Variants in NCKAP5 observed in about 807,000 individuals in gnomAD.
NCKAP5 encodes nck-associated protein 5.
A neutral mutation model predicts 167.0 loss-of-function variants in NCKAP5; 92 were observed. That is an observed-to-expected ratio of 0.55 (90% CI 0.47 to 0.66). The LOEUF is 0.66. NCKAP5 is among the 30% of genes least tolerant of loss of function. NCKAP5 has a pLI of 0.00. For missense variants in NCKAP5, 2,378 were observed against 2,315.0 expected (o/e 1.03, Z -0.56); for synonymous variants, 891 against 877.4 (o/e 1.02, Z -0.27).
At chr2:133,058,809 G>A (rs561196299) in intron 6 of NCKAP5, among the ~76,000 whole-genome samples, 17 of 152,278 alleles carry the variant, frequency 1.1e-4, no homozygotes, top group African/African-American at 3.8e-4. Context: ...TTGTCCTGTG[G>A]ATAAAATGCT....
At chr2:133,456,909 G>C (rs1232859323) in intron 3 of NCKAP5, among the ~76,000 whole-genome samples, 1 of 152,086 alleles carries the variant, frequency 6.6e-6, no homozygotes, top group African/African-American at 2.4e-5. Context: ...ACATTATCAG[G>C]ACTGTCGGAC....
chr2:133,027,802 T>C (rs1277037992), intron 6 of NCKAP5, among the ~76,000 whole-genome samples: 1 of 152,232 alleles, frequency 6.6e-6, no homozygotes, highest in Non-Finnish European at 1.5e-5. Context: ...GCTCAATTGC[T>C]CAGGTATTCA....
intron 9 of NCKAP5, among the ~76,000 whole-genome samples, chr2:132,870,483 A>G (rs1200194956): frequency 6.6e-6 from 1 of 152,114 alleles, no homozygotes; most frequent in Non-Finnish European, 1.5e-5. Flanking sequence ...TTTATCCAAT[A>G]TAAATTTTCT....
chr2:133,536,773 C>T (rs1197532068), intron 2 of NCKAP5, among the ~76,000 whole-genome samples: 2 of 151,298 alleles, frequency 1.3e-5, no homozygotes, highest in Non-Finnish European at 3.0e-5. Context: ...TTTTTCTTTC[C>T]TGCTAATATC....
At chr2:133,126,645 AGTGTTCTAT>A (rs1251609704) in intron 6 of NCKAP5, among the ~76,000 whole-genome samples, 1 of 152,200 alleles carries the variant, frequency 6.6e-6, no homozygotes, top group Non-Finnish European at 1.5e-5. Context: ...TCTTCTATAA[AGTGTTCTAT>A]GTGATACATT....
At chr2:133,308,831 C>T (rs892041209) in intron 3 of NCKAP5, among the ~76,000 whole-genome samples, 2 of 149,086 alleles carry the variant, frequency 1.3e-5, no homozygotes, top group Non-Finnish European at 3.0e-5. Context: ...CTGCCTCAGC[C>T]TCCCGAGTAG....
chr2:132,832,814 T>G (rs1356537619), intron 11 of NCKAP5, among the ~76,000 whole-genome samples: 1 of 152,202 alleles, frequency 6.6e-6, no homozygotes, highest in African/African-American at 2.4e-5. Context: ...TTGTGAACAG[T>G]GCTGTGATAA....
chr2:133,251,269 G>A (rs964884060), intron 4 of NCKAP5, among the ~76,000 whole-genome samples: 1 of 152,178 alleles, frequency 6.6e-6, no homozygotes, highest in Admixed American at 6.5e-5. Flanking sequence ...AGCATCCATG[G>A]ATTTTGGTAC....
At chr2:133,215,209 G>T (rs551471252) in intron 4 of NCKAP5, among the ~76,000 whole-genome samples, 2 of 152,166 alleles carry the variant, frequency 1.3e-5, no homozygotes, top group Non-Finnish European at 2.9e-5. Flanking sequence ...AAGGCAGAAA[G>T]CTCCTGTGTG....
intron 3 of NCKAP5, among the ~76,000 whole-genome samples, chr2:133,513,749 T>C (rs966358095): frequency 6.6e-6 from 1 of 152,160 alleles, no homozygotes; most frequent in African/African-American, 2.4e-5. Flanking sequence ...GGCAAACGTT[T>C]TTTCTTCCTT....
chr2:133,290,812 G>C (rs574613866), intron 4 of NCKAP5, among the ~76,000 whole-genome samples: 9 of 143,884 alleles, frequency 6.3e-5, no homozygotes, highest in Admixed American at 4.4e-4. Context: ...GGAGTACAGT[G>C]GCAGGAACAA....
the NCKAP5 span, among the ~76,000 whole-genome samples, chr2:133,639,048 A>T: frequency 1.3e-5 from 2 of 152,200 alleles, no homozygotes; most frequent in Non-Finnish European, 2.9e-5. Flanking sequence ...AATAGGAAAC[A>T]TTAATGACCA....
At chr2:132,874,013 G>A (rs1186800344) in intron 9 of NCKAP5, among the ~76,000 whole-genome samples, 1 of 151,964 alleles carries the variant, frequency 6.6e-6, no homozygotes, top group East Asian at 1.9e-4. Flanking sequence ...AGCAAACAAG[G>A]AGTAGATCAT....
At chr2:133,663,116 A>T in the NCKAP5 span, among the ~76,000 whole-genome samples, 2 of 151,914 alleles carry the variant, frequency 1.3e-5, no homozygotes, top group African/African-American at 4.8e-5. Flanking sequence ...AATACAAAAA[A>T]TTAGCTGGGC....
intron 7 of NCKAP5, among the ~76,000 whole-genome samples, chr2:132,983,857 C>T (rs2077209580): frequency 6.6e-6 from 1 of 152,202 alleles, no homozygotes; most frequent in Non-Finnish European, 1.5e-5. Flanking sequence ...AGCCCTTCCC[C>T]TCCCAGGCCA....
At chr2:133,297,209 G>GTATGTGTGTT (rs1553610676) in intron 4 of NCKAP5, among the ~76,000 whole-genome samples, 35 of 144,738 alleles carry the variant, frequency 2.4e-4, no homozygotes, top group African/African-American at 8.9e-4. Flanking sequence ...GTGTGTGTGT[G>GTATGTGTGTT]TTTTAAATCA....
At chr2:132,964,875 G>T (rs2076615300) in intron 7 of NCKAP5, among the ~76,000 whole-genome samples, 1 of 151,170 alleles carries the variant, frequency 6.6e-6, no homozygotes, top group Non-Finnish European at 1.5e-5. Context: ...ACTTAGAAAA[G>T]AAGAACATAA....
At chr2:133,466,795 G>T (rs1217207225) in intron 3 of NCKAP5, among the ~76,000 whole-genome samples, 2 of 151,854 alleles carry the variant, frequency 1.3e-5, no homozygotes, top group African/African-American at 4.8e-5. Context: ...GTTCACTCAT[G>T]ATTTGGCTCT....
At chr2:132,717,953 G>A (rs1689529856) in intron 19 of NCKAP5, among the ~76,000 whole-genome samples, 1 of 152,162 alleles carries the variant, frequency 6.6e-6, no homozygotes, top group African/African-American at 2.4e-5. Flanking sequence ...ACCCTACTGG[G>A]ATTTTATTTG....
Sources: gnomAD v4.1 joint callset for allele counts (sites outside exome capture counted in the v4.1 genomes callset) on GRCh38, gnomAD v4.1.1 for gene constraint, MANE v1.5 for transcripts, NCBI Gene and HGNC (gene_info 2026-07-23, HGNC 2026-07-21) for gene names.